SPMIP4: variants seen among roughly 807,000 people sequenced by gnomAD.
SPMIP4 encodes the protein sperm-associated microtubule inner protein 4.
chr7:25,135,646 CAAT>C, the SPMIP4 span: 986 of 829,004 alleles, frequency 1.2e-3, 11 homozygotes, highest in African/African-American at 0.016. Flanking sequence ...TTTGGTGAAA[CAAT>C]GATGTAAACT....
chr7:25,146,266 T>A, the SPMIP4 span, among the ~76,000 whole-genome samples: 1 of 152,096 alleles, frequency 6.6e-6, no homozygotes, highest in African/African-American at 2.4e-5. Flanking sequence ...GGACGCCTGG[T>A]TGGATAACAG....
At chr7:25,141,185 G>A in the SPMIP4 span, among the ~76,000 whole-genome samples, 1 of 152,042 alleles carries the variant, frequency 6.6e-6, no homozygotes, top group Non-Finnish European at 1.5e-5. Context: ...AGAACGTATT[G>A]GCTTTTCATT....
At chr7:25,130,598 G>A in the SPMIP4 span, among the ~76,000 whole-genome samples, 1 of 152,184 alleles carries the variant, frequency 6.6e-6, no homozygotes, top group Non-Finnish European at 1.5e-5. Context: ...ATAGGTGTGA[G>A]CCACCGCGCC....
At chr7:25,134,685 C>T in the SPMIP4 span, 1 of 985,878 alleles carries the variant, frequency 1.0e-6, no homozygotes, top group Non-Finnish European at 1.2e-6. Context: ...GCAATCAAAA[C>T]CTCAAATTTT....
chr7:25,157,800 T>C, the SPMIP4 span, among the ~76,000 whole-genome samples: 1 of 151,980 alleles, frequency 6.6e-6, no homozygotes, highest in African/African-American at 2.4e-5. Context: ...ACTGAGGAAA[T>C]CTGGATAAAG....
the SPMIP4 span, chr7:25,158,679 C>T: frequency 2.2e-4 from 132 of 592,024 alleles, 1 homozygote; most frequent in African/African-American, 1.2e-3. Flanking sequence ...GTGGGCGGAT[C>T]GCTTGAGCTC....
chr7:25,147,634 C>T, the SPMIP4 span, among the ~76,000 whole-genome samples: 5 of 152,182 alleles, frequency 3.3e-5, no homozygotes, highest in South Asian at 2.1e-4. Flanking sequence ...CATGAAGCCC[C>T]GGGACTTAAT....
the SPMIP4 span, chr7:25,155,303 T>A: frequency 1.2e-6 from 1 of 859,462 alleles, no homozygotes; most frequent in Non-Finnish European, 1.7e-6. Context: ...GCAGAAACTG[T>A]TCTAATGCTG....
the SPMIP4 span, among the ~76,000 whole-genome samples, chr7:25,170,502 G>A: frequency 6.6e-6 from 1 of 152,182 alleles, no homozygotes; most frequent in African/African-American, 2.4e-5. Context: ...ACTTGATAGT[G>A]TCCCTTGAAG....
At chr7:25,126,163 T>G in the SPMIP4 span, among the ~76,000 whole-genome samples, 1 of 152,164 alleles carries the variant, frequency 6.6e-6, no homozygotes, top group Non-Finnish European at 1.5e-5. Flanking sequence ...CATTTATCCT[T>G]TTTTTCTGTT....
chr7:25,126,312 G>T, the SPMIP4 span, among the ~76,000 whole-genome samples: 2 of 152,012 alleles, frequency 1.3e-5, no homozygotes, highest in Admixed American at 1.3e-4. Flanking sequence ...CAAGTAGCTG[G>T]GACTACGGGA....
chr7:25,127,530 A>ATT, the SPMIP4 span, among the ~76,000 whole-genome samples: 1 of 152,140 alleles, frequency 6.6e-6, no homozygotes, highest in African/African-American at 2.4e-5. Context: ...TTTCTGCTAG[A>ATT]TTCTTTTTAA....
At chr7:25,151,538 G>GT in the SPMIP4 span, 2 of 1,076,924 alleles carry the variant, frequency 1.9e-6, no homozygotes, top group Non-Finnish European at 2.8e-6. Context: ...TTTTATAAAG[G>GT]TATTGACTAA....
the SPMIP4 span, among the ~76,000 whole-genome samples, chr7:25,174,721 G>A: frequency 3.9e-5 from 6 of 152,290 alleles, no homozygotes; most frequent in Admixed American, 3.9e-4. This position sits in a 1 kb window ranked among gnomAD's most constrained non-coding sequence, Gnocchi z 4.5. Flanking sequence ...TAATGGATAT[G>A]TTTGTTTGCC....
chr7:25,160,544 C>T, the SPMIP4 span, among the ~76,000 whole-genome samples: 1 of 152,170 alleles, frequency 6.6e-6, no homozygotes, highest in South Asian at 2.1e-4. Context: ...GGTGATGCAC[C>T]CTCCTCAGCC....
the SPMIP4 span, among the ~76,000 whole-genome samples, chr7:25,148,649 A>C: frequency 0.6 from 91,125 of 151,532 alleles, 28,491 homozygotes; most frequent in Non-Finnish European, 0.69. Flanking sequence ...TAATTTTTGT[A>C]TTTTTAGTAG....
the SPMIP4 span, among the ~76,000 whole-genome samples, chr7:25,166,476 A>AGG: frequency 6.6e-6 from 1 of 151,734 alleles, no homozygotes; most frequent in East Asian, 1.9e-4. Flanking sequence ...AGTCCCAGCT[A>AGG]CTCGGGAGGC....
the SPMIP4 span, among the ~76,000 whole-genome samples, chr7:25,163,130 G>A: frequency 1.3e-5 from 2 of 152,130 alleles, no homozygotes; most frequent in African/African-American, 2.4e-5. The surrounding 1 kb of genome is among the most constrained non-coding windows in gnomAD (Gnocchi z 4.4). Context: ...TTTAAAGTAC[G>A]GTTAATGTAA....
At chr7:25,179,329 C>T in the SPMIP4 span, 2 of 1,597,420 alleles carry the variant, frequency 1.3e-6, no homozygotes, top group Admixed American at 3.5e-5. Flanking sequence ...TAAAAAGGCA[C>T]AACCTGGAAA....
Sources: gnomAD v4.1 joint callset for allele counts (sites outside exome capture counted in the v4.1 genomes callset) on GRCh38, gnomAD v4.1.1 for gene constraint, Gnocchi (gnomAD v3.1) non-coding constraint, MANE v1.5 for transcripts, NCBI Gene and HGNC (gene_info 2026-07-23, HGNC 2026-07-21) for gene names.